The following SLC22A17 variants were observed in gnomAD, a reference collection of about 807,000 sequenced individuals.
SLC22A17 encodes solute carrier family 22 member 17.
A neutral mutation model predicts 53.6 loss-of-function variants in SLC22A17; 38 were observed. The ratio of observed to expected loss-of-function variants is 0.71; its 90% CI spans 0.55 to 0.93. SLC22A17 has a LOEUF of 0.93. Among genes scored for constraint, SLC22A17 ranks in the 40% least tolerant of loss-of-function variants. The pLI is 0.00. For missense variants in SLC22A17, 704 were observed against 791.0 expected (o/e 0.89, Z 1.32); for synonymous variants, 379 against 353.0 (o/e 1.07, Z -0.82).
chr14:23,351,861 G>A lies in SLC22A17; in HGVS notation c.601-6C>T. 1 of 1,612,972 alleles carries A rather than the reference G, an allele frequency of 6.2e-7. No individual in the cohort carries two copies. Among genetic ancestry groups the A allele is most frequent in the South Asian group, 1.1e-5 (1 of 91,032 alleles). On this transcript the variant is annotated splice_polypyrimidine_tract_variant and splice_region_variant and intron_variant, in intron 2 of 9. Transcript: ENST00000397267. ...AGGTCACACACCAGATCCCACTGGG[G>A]ATGTGAGAAGGGTGCAGCGGGCGTG... is the stretch of plus-strand genomic sequence containing the variant.
At position 23,347,275 on chromosome 14, in the gene SLC22A17, G is replaced by C. The variant is rs895118698; in HGVS notation, c.1550-63C>G. On this transcript the variant is annotated intron_variant, in intron 8 of 9. Transcript: ENST00000397267. This position sits in a 1 kb window ranked among gnomAD's most constrained non-coding sequence, Gnocchi z 5.1. ...GAGGTCAAGGCTGGCCTAGTCCCGG[G>C]TGTCATCCCCTTGGCTCTCTGTTCC... 7 of 1,514,684 alleles carry C rather than the reference G, an allele frequency of 4.6e-6. No homozygotes were observed. The highest frequency in any genetic ancestry group is 1.2e-5 in the South Asian group (1 of 81,706). 93.8% of individuals were successfully genotyped at this position (1,514,684 alleles called of 1,614,324 possible).
At chr14:23,346,858 G>A (rs1167929034) in exon 10 of SLC22A17, 2 of 1,539,586 alleles carry the variant, frequency 1.3e-6, no homozygotes, top group Non-Finnish European at 1.7e-6. Context: ...AGGCTCCATG[G>A]CCCATGTGGA....
chr14:23,351,913 C>A lies in SLC22A17; in HGVS notation c.600+35G>T, dbSNP rs750166775. 1.1e-5 allele frequency: 17 copies of A among 1,611,356 alleles called. No individual in the cohort carries two copies. The Admixed American group carries it at 2.7e-4, about 25-fold the overall frequency. ...GGCCCCGCCCTCGCCGCTCTCTGCC[C>A]GCCCCCAGACCCGCGGCCCGCCTGG... On this transcript the variant is annotated intron_variant, in intron 2 of 9. Transcript: ENST00000397267.
Position 23,347,429 on chromosome 14 carries a change from C to G in SLC22A17, c.1549+31G>C. On this transcript the variant is annotated intron_variant, in intron 8 of 9. Transcript: ENST00000397267. The surrounding 1 kb of genome is among the most constrained non-coding windows in gnomAD (Gnocchi z 5.1). Reference sequence around the variant, plus strand: ...GGGGCTTGTCTTGGGAGGCCTGTGCCAGAAGAAATGGCTGTGCCTGTCTGA... The same window carrying G: ...GGGGCTTGTCTTGGGAGGCCTGTGCGAGAAGAAATGGCTGTGCCTGTCTGA... The G allele has an allele frequency of 2.5e-6, 4 of 1,604,376 alleles. No individual in the cohort carries two copies. Among genetic ancestry groups the G allele is most frequent in the Non-Finnish European group, 3.4e-6 (4 of 1,174,470 alleles).
chr14:23,346,627 G>C, exon 10 of SLC22A17: 2 of 1,458,296 alleles, frequency 1.4e-6, no homozygotes. Context: ...CCAGCCTCCC[G>C]CCAGGGTACT....
intron 3 of SLC22A17, among the ~76,000 whole-genome samples, chr14:23,350,038 G>T (rs1247604422): frequency 6.6e-6 from 1 of 152,214 alleles, no homozygotes; most frequent in Non-Finnish European, 1.5e-5. Context: ...GGGCGCAGTG[G>T]CTCACACCTG....
At position 23,347,654 on chromosome 14, in the gene SLC22A17, G is replaced by C. The variant is rs1889309623; in HGVS notation, c.1355C>G (p.Ser452Cys). 2.5e-6 allele frequency: 4 copies of C among 1,614,042 alleles called. No homozygotes were observed. The highest frequency in any genetic ancestry group is 2.5e-6 in the Non-Finnish European group (3 of 1,180,028). ...GGCTGCGGTGCCGCTGGCCAGCAGA[G>C]AGCACAGGTAGAAGTCCGATGGGCT... The change falls in exon 8 of 10, where the codon TCT becomes TGT. Residue 452 changes from serine to cysteine, a missense_variant. Around this residue, in one of 4 missense-constraint regions of SLC22A17, gnomAD observed 435 missense variants for 529.0 expected, o/e 0.82. Coordinates refer to ENST00000397267, the Ensembl canonical transcript of SLC22A17. This position sits in a 1 kb window ranked among gnomAD's most constrained non-coding sequence, Gnocchi z 5.1.
At position 23,348,406 on chromosome 14, in the gene SLC22A17, G is replaced by A. The variant is rs1035788845; in HGVS notation, c.1025+100C>T. ...GAGGGACTGGGGCTGGGGTAGGCCT[G>A]GACCAGGGGTAGTTGGAGAAGAGGA... On this transcript the variant is annotated intron_variant, in intron 5 of 9. Coordinates refer to ENST00000397267, the Ensembl canonical transcript of SLC22A17. The surrounding 1 kb of genome is among the most constrained non-coding windows in gnomAD (Gnocchi z 4.5). The A allele has an allele frequency of 1.3e-6, 2 of 1,583,256 alleles. No individual in the cohort carries two copies. The highest frequency in any genetic ancestry group is 1.7e-6 in the Non-Finnish European group (2 of 1,161,302).
Position 23,349,137 on chromosome 14 carries a change from AG to A in SLC22A17, c.859+134del, listed in dbSNP as rs759183086. 2.2e-5 allele frequency: 26 copies of A among 1,158,972 alleles called. No individual in the cohort carries two copies. The East Asian group carries it at 5.7e-4, about 25-fold the overall frequency. 71.8% of individuals were successfully genotyped at this position (1,158,972 alleles called of 1,614,324 possible). ...AGAAGCAAGAGCCCTGGATTCTTCA[AG>A]GGGGCCTGGGCAGAAAGATAGCTGA... On this transcript the variant is annotated intron_variant, in intron 4 of 9. Coordinates refer to ENST00000397267, the Ensembl canonical transcript of SLC22A17.
chr14:23,349,306 C>G (rs759228132), exon 4 of SLC22A17: 2 of 1,614,042 alleles, frequency 1.2e-6, no homozygotes, highest in South Asian at 2.2e-5. Flanking sequence ...CACCGGCAAG[C>G]AGAAAGCCCA....
At position 23,348,198 on chromosome 14, in the gene SLC22A17, C is replaced by A. The variant is rs763412753; in HGVS notation, c.1134G>T (p.Gly378=). 34 of 1,614,134 alleles carry A rather than the reference C, an allele frequency of 2.1e-5. No individual in the cohort carries two copies. Among genetic ancestry groups the A allele is most frequent in the African/African-American group, 2.7e-5 (2 of 75,034 alleles). ...CCTGGGCCTCCTCCCCCAGCATCTG[C>A]CCATGGGGCCGGTTTCGCTCAGCCA... The change falls in exon 6 of 10, where the codon GGG becomes GGT. Residue 378 remains glycine (G), a synonymous_variant. Transcript: ENST00000397267. The surrounding 1 kb of genome is among the most constrained non-coding windows in gnomAD (Gnocchi z 4.5).
In SLC22A17 at chr14:23,348,163, T is replaced by C; in HGVS notation, c.1169A>G (p.Gln390Arg). ...TCACAGGGATCCCTGTCTCTTACCCTGCAGGGCCTCCTGGGCCTCCTCCCC... is the reference window on the plus strand; with the variant it reads ...TCACAGGGATCCCTGTCTCTTACCCCGCAGGGCCTCCTGGGCCTCCTCCCC... Residue 390 changes from glutamine (Q) to arginine (R), a missense_variant and splice_region_variant, in exon 6 of 10, where the codon CAG becomes CGG. By Grantham distance (43) the Gln-to-Arg change is conservative. Coordinates refer to ENST00000397267, the Ensembl canonical transcript of SLC22A17. The surrounding 1 kb of genome is among the most constrained non-coding windows in gnomAD (Gnocchi z 4.5). 2 of 1,613,926 alleles carry C rather than the reference T, an allele frequency of 1.2e-6. No homozygotes were observed. The highest frequency in any genetic ancestry group is 8.5e-7 in the Non-Finnish European group (1 of 1,179,924).
At chr14:23,350,946 A>C (rs1357239899) in intron 3 of SLC22A17, 1 of 152,228 alleles carries the variant, frequency 6.6e-6, no homozygotes. Context: ...TTATTAATCC[A>C]CTTGGATGGA....
At position 23,348,817 on chromosome 14, in the gene SLC22A17, T is replaced by C; in HGVS notation, c.860-146A>G. On this transcript the variant is annotated intron_variant, in intron 4 of 9. Coordinates refer to ENST00000397267, the Ensembl canonical transcript of SLC22A17. This position sits in a 1 kb window ranked among gnomAD's most constrained non-coding sequence, Gnocchi z 4.5. ...GCAGCCATTGCCTCCCTTGCTAACC[T>C]CTGGGTGGCAAGGACTGGGGAGACT... 1 of 854,246 alleles carries C rather than the reference T, an allele frequency of 1.2e-6. No homozygotes were observed. Among genetic ancestry groups the C allele is most frequent in the Non-Finnish European group, 1.8e-6 (1 of 568,668 alleles). 52.9% of individuals were successfully genotyped at this position (854,246 alleles called of 1,614,324 possible).
At chr14:23,351,903 G>C (rs1160177635) in intron 2 of SLC22A17, 45 bp downstream of exon 2, 2 of 1,610,910 alleles carry the variant, frequency 1.2e-6, no homozygotes, top group Admixed American at 1.7e-5. Context: ...CGCCCTCGCC[G>C]CTCTCTGCCC....
rs1370949469 is a variant in SLC22A17 at position 23,352,678 on chromosome 14, T to G, written c.64A>C (p.Asn22His). ...GAGGTGGGGGTGATCTCTACAGTGTTGTCGATTTTGCCGCCGCCCCCGCCA... is the reference window on the plus strand; with the variant it reads ...GAGGTGGGGGTGATCTCTACAGTGTGGTCGATTTTGCCGCCGCCCCCGCCA... Residue 22 changes from asparagine to histidine, a missense_variant, in exon 1 of 10, where the codon AAC (asparagine) becomes CAC (histidine). Asn to His is a moderately conservative substitution (Grantham distance 68). This residue lies in a region of SLC22A17 where 42 missense variants were observed against 28.2 expected (regional missense o/e 1.49). Transcript: ENST00000397267. This position sits in a 1 kb window ranked among gnomAD's most constrained non-coding sequence, Gnocchi z 7.2. 7.5e-6 allele frequency: 3 copies of G among 398,204 alleles called. No individual in the cohort carries two copies. The highest frequency in any genetic ancestry group is 7.1e-5 in the East Asian group (2 of 28,018). 24.7% of individuals were successfully genotyped at this position (398,204 alleles called of 1,614,324 possible).
At chr14:23,346,655 G>T in exon 10 of SLC22A17, 1 of 1,495,462 alleles carries the variant, frequency 6.7e-7, no homozygotes, top group Non-Finnish European at 8.9e-7. Context: ...CGCTCAGAGG[G>T]CAGGGTTGGG....
At position 23,348,964 on chromosome 14, in the gene SLC22A17, C is replaced by T. The variant is rs1236386568; in HGVS notation, c.860-293G>A. On this transcript the variant is annotated intron_variant, in intron 4 of 9. Transcript: ENST00000397267. The surrounding 1 kb of genome is among the most constrained non-coding windows in gnomAD (Gnocchi z 4.5). ...CATCAGGCCTCTTATTTGACCTTCA[C>T]ATCAACCCTTGTCCAAGGTCACACA... is the stretch of plus-strand genomic sequence containing the variant. 1.7e-6 allele frequency: 1 copy of T among 591,318 alleles called. No homozygotes were observed. The highest frequency in any genetic ancestry group is 2.8e-5 in the East Asian group (1 of 35,418). The allele number at this position is 591,318 out of a possible 1,614,324, so 36.6% of individuals were successfully genotyped here. A position where few individuals can be genotyped will look rare whatever the true frequency, so the allele number is the denominator to read the frequency against.
Position 23,347,464 on chromosome 14 carries a change from G to T in SLC22A17, c.1545C>A (p.Asn515Lys), listed in dbSNP as rs199623988. The T allele has an allele frequency of 1.2e-6, 2 of 1,613,680 alleles. No individual in the cohort carries two copies. Among genetic ancestry groups the T allele is most frequent in the South Asian group, 2.2e-5 (2 of 91,012 alleles). ...GGCTGTGCCTGTCTGAAGCACCTCT[G>T]TTGGGGTTCCCTTGTTGAGCCCACA... Residue 515 changes from asparagine to lysine, a missense_variant, in exon 8 of 10, where the codon AAC becomes AAA. Coordinates refer to ENST00000397267, the Ensembl canonical transcript of SLC22A17. This position sits in a 1 kb window ranked among gnomAD's most constrained non-coding sequence, Gnocchi z 5.1.
Sources: gnomAD v4.1 joint callset for allele counts (sites outside exome capture counted in the v4.1 genomes callset) on GRCh38, gnomAD v4.1.1 for gene constraint, gnomAD v4.1.1 regional missense constraint, Gnocchi (gnomAD v3.1) non-coding constraint, MANE v1.5 for transcripts, NCBI Gene and HGNC (gene_info 2026-07-23, HGNC 2026-07-21) for gene names.